PRKN: variants seen among roughly 807,000 people sequenced by gnomAD.
PRKN encodes the protein E3 ubiquitin-protein ligase parkin.
A neutral mutation model predicts 59.5 loss-of-function variants in PRKN; 56 were observed. The ratio of observed to expected loss-of-function variants is 0.94; its 90% CI spans 0.76 to 1.18. PRKN has a LOEUF of 1.18. Ranked by LOEUF, PRKN falls within the 50% of genes most tolerant of loss-of-function variation. The pLI is 0.00. For missense variants in PRKN, 657 were observed against 596.4 expected (o/e 1.10, Z -1.06); for synonymous variants, 250 against 222.1 (o/e 1.13, Z -1.12).
chr6:162,589,862 G>T (rs1300857014), intron 1 of PRKN, among the ~76,000 whole-genome samples: 1 of 152,112 alleles, frequency 6.6e-6, no homozygotes, highest in Non-Finnish European at 1.5e-5. Context: ...TTCTGTCATG[G>T]TAATACTGTA....
Position 161,401,255 on chromosome 6 carries a change from T to C in PRKN, c.1084-14378A>G, listed in dbSNP as rs1050070047. ...GATAGTTCAGTCACGTCCTGGGGAATTGAGGAGAAGATCCACCCTACCAAA... is the reference window on the plus strand; with the variant it reads ...GATAGTTCAGTCACGTCCTGGGGAACTGAGGAGAAGATCCACCCTACCAAA... On this transcript the variant is annotated intron_variant, in intron 9 of 11. Coordinates refer to ENST00000366898, the MANE Select transcript of PRKN (RefSeq NM_004562.3). This position sits in a 1 kb window ranked among gnomAD's most constrained non-coding sequence, Gnocchi z 4.4. Among the ~76,000 whole-genome samples the C allele has an allele frequency of 6.6e-6, 1 of 152,046 alleles. No homozygotes were observed. The highest frequency in any genetic ancestry group is 2.4e-5 in the African/African-American group (1 of 41,394).
chr6:162,689,328 G>T (rs1777684179), intron 1 of PRKN, among the ~76,000 whole-genome samples: 1 of 151,992 alleles, frequency 6.6e-6, no homozygotes. Context: ...ATGAATTTGT[G>T]AACACTGAAG....
intron 7 of PRKN, among the ~76,000 whole-genome samples, chr6:161,603,385 A>G (rs1377982840): frequency 6.6e-6 from 1 of 152,238 alleles, no homozygotes; most frequent in Non-Finnish European, 1.5e-5. Flanking sequence ...CAAATAAGGT[A>G]ATTGTTCAAA....
chr6:162,080,795 G>T (rs189814998), intron 4 of PRKN, among the ~76,000 whole-genome samples: 24 of 152,148 alleles, frequency 1.6e-4, no homozygotes, highest in African/African-American at 5.5e-4. Flanking sequence ...TTTCATAAAA[G>T]ATTTCTCTGT....
intron 4 of PRKN, among the ~76,000 whole-genome samples, chr6:162,141,087 G>T (rs879778562): frequency 6.6e-5 from 10 of 151,912 alleles, no homozygotes; most frequent in Non-Finnish European, 1.0e-4. Flanking sequence ...CCGAGATCGC[G>T]CCACTGCACT....
At chr6:162,616,948 C>G (rs550468369) in intron 1 of PRKN, among the ~76,000 whole-genome samples, 32 of 152,162 alleles carry the variant, frequency 2.1e-4, no homozygotes, top group Non-Finnish European at 1.5e-4. Context: ...TGAAATTGAT[C>G]AACTGCAGTG....
intron 1 of PRKN, among the ~76,000 whole-genome samples, chr6:162,499,724 T>C (rs1793274443): frequency 6.6e-6 from 1 of 152,296 alleles, no homozygotes; most frequent in Admixed American, 6.5e-5. Context: ...TTTCTAAAAG[T>C]GACAAAGTTC....
chr6:161,437,499 GA>G (rs762655464), intron 9 of PRKN, among the ~76,000 whole-genome samples: 7 of 152,178 alleles, frequency 4.6e-5, no homozygotes, highest in Non-Finnish European at 8.8e-5. Context: ...CGAAACCATG[GA>G]TAAGCGGGGA....
rs55830907 is a variant in PRKN at position 161,360,169 on chromosome 6, G to A, written c.1204C>T (p.Arg402Cys). The change falls in exon 11 of 12, where the codon CGT becomes TGT. Residue 402 changes from arginine (R) to cysteine (C), a missense_variant. Transcript: ENST00000366898. This position sits in a 1 kb window ranked among gnomAD's most constrained non-coding sequence, Gnocchi z 5.1. ...GTTTCTTTGGAGGCTGCTTCCCAAC[G>A]AGCCTGCTCGGCGGCTCTTTCATCG... The part of the protein sequence containing the change: ...RVDERAAEQA[R>C]WEAASKETIK... 2,996 of 1,614,156 alleles carry A rather than the reference G, an allele frequency of 1.9e-3. 12 individuals are homozygous for A. The highest frequency in any genetic ancestry group is 3.8e-3 in the Middle Eastern group (23 of 6,060).
intron 1 of PRKN, among the ~76,000 whole-genome samples, chr6:162,702,738 T>C (rs1778201564): frequency 6.6e-6 from 1 of 152,194 alleles, no homozygotes; most frequent in Non-Finnish European, 1.5e-5. Context: ...CTTCTCAGGA[T>C]TGATGAAATG....
rs1180636201 is a variant in PRKN, at chr6:162,390,396, T to TATATATATATATACAC, written c.171+52913_171+52914insGTGTATATATATATAT. On this transcript the variant is annotated intron_variant, in intron 2 of 11. Transcript: ENST00000366898. Reference sequence around the variant, plus strand: ...TAAGGTATATATATATATATATATATACACACACACACACACACACACACA... The same window carrying TATATATATATATACAC: ...TAAGGTATATATATATATATATATATATATATATATATACACACACACACACACACACACACACACA... 9.2e-4 allele frequency among the ~76,000 whole-genome samples: 77 copies of TATATATATATATACAC among 84,112 alleles called. 1 individual carries two copies. The highest frequency in any genetic ancestry group is 3.2e-3 in the African/African-American group (71 of 22,110). The allele number at this position is 84,112 out of a possible 152,430, so 55.2% of individuals were successfully genotyped here.
intron 4 of PRKN, among the ~76,000 whole-genome samples, chr6:162,082,424 A>C (rs1179931190): frequency 1.3e-5 from 2 of 152,080 alleles, no homozygotes; most frequent in Non-Finnish European, 2.9e-5. Flanking sequence ...CCTCTGGATT[A>C]GGTTTTTGGC....
intron 10 of PRKN, among the ~76,000 whole-genome samples, chr6:161,374,778 T>G (rs1785620026): frequency 9.7e-6 from 1 of 102,914 alleles, no homozygotes; most frequent in Non-Finnish European, 2.2e-5. Flanking sequence ...GACAATAAGT[T>G]TCTATAAAAA....
chr6:161,614,467 T>G (rs1029025215), intron 7 of PRKN, among the ~76,000 whole-genome samples: 6 of 152,242 alleles, frequency 3.9e-5, no homozygotes, highest in Non-Finnish European at 8.8e-5. Flanking sequence ...TAGCATGCCT[T>G]GCATTAGTAA....
chr6:162,273,791 A>G (rs183618574), intron 2 of PRKN, among the ~76,000 whole-genome samples: 1 of 152,304 alleles, frequency 6.6e-6, no homozygotes, highest in Non-Finnish European at 1.5e-5. Context: ...TCTATTCATC[A>G]CCTTATTCAA....
chr6:162,106,049 G>T (rs559318482), intron 4 of PRKN, among the ~76,000 whole-genome samples: 26 of 152,140 alleles, frequency 1.7e-4, no homozygotes, highest in Non-Finnish European at 3.7e-4. Context: ...ACAAAAAAGT[G>T]GTGAAAAATG....
intron 7 of PRKN, among the ~76,000 whole-genome samples, chr6:161,650,310 G>A (rs531545593): frequency 6.6e-6 from 1 of 152,236 alleles, no homozygotes; most frequent in African/African-American, 2.4e-5. Context: ...CTAAAGATAA[G>A]GTGCTTTGTT....
intron 9 of PRKN, among the ~76,000 whole-genome samples, chr6:161,496,492 T>C (rs1252526133): frequency 6.6e-6 from 1 of 152,158 alleles, no homozygotes; most frequent in Non-Finnish European, 1.5e-5. Flanking sequence ...GGAAGGCCAA[T>C]GAGGAGCAAA....
intron 5 of PRKN, among the ~76,000 whole-genome samples, chr6:162,036,661 G>A (rs544951399): frequency 6.6e-6 from 1 of 152,064 alleles, no homozygotes; most frequent in Admixed American, 6.5e-5. Flanking sequence ...GATTACAGGC[G>A]TGAGCCACCA....
Sources: allele counts gnomAD v4.1 joint callset (sites outside exome capture counted in the v4.1 genomes callset), GRCh38; gene constraint gnomAD v4.1.1; non-coding constraint Gnocchi (gnomAD v3.1); transcripts MANE v1.5; gene names NCBI Gene and HGNC (gene_info 2026-07-23, HGNC 2026-07-21).